The following AGO2 variants were observed in gnomAD, a reference collection of about 807,000 sequenced individuals.
AGO2 encodes argonaute RISC catalytic component 2.
AGO2 carries 5 observed loss-of-function variants against 102.3 expected under a neutral mutation model. That is an observed-to-expected ratio of 0.05 (90% CI 0.03 to 0.10). AGO2 has a LOEUF of 0.10. Among genes scored for constraint, AGO2 ranks in the 10% least tolerant of loss-of-function variants. AGO2 has a pLI of 1.00. For synonymous variants in AGO2, 449 were observed against 473.1 expected (o/e 0.95, Z 0.66); for missense variants, 541 against 1,183.7 (o/e 0.46, Z 7.97).
rs917101852 is a variant in AGO2 at position 140,540,937 on chromosome 8, G to A, written c.2034+227C>T. ...TCTCTTGGTCCCCAGGCCCATACCC[G>A]CCCCTCCTCCCCTCCCTCTGTCCTG... is the stretch of plus-strand genomic sequence containing the variant. On this transcript the variant is annotated intron_variant, in intron 15 of 18. Transcript: ENST00000220592. This position sits in a 1 kb window ranked among gnomAD's most constrained non-coding sequence, Gnocchi z 5.0. Among the ~76,000 whole-genome samples, 34 of 143,716 alleles carry A rather than the reference G, an allele frequency of 2.4e-4. 1 individual carries two copies. The highest frequency in any genetic ancestry group is 3.8e-4 in the Non-Finnish European group (25 of 65,644). 94.3% of individuals were successfully genotyped at this position (143,716 alleles called of 152,430 possible).
At chr8:140,596,795 C>G (rs141039228) in intron 1 of AGO2, among the ~76,000 whole-genome samples, 1 of 152,110 alleles carries the variant, frequency 6.6e-6, no homozygotes, top group Non-Finnish European at 1.5e-5. Flanking sequence ...GTCGGTGGAG[C>G]AGCAGGGGAG....
rs143690064 is a variant in AGO2, at chr8:140,534,557, C to A, written c.2271+911G>T. Among the ~76,000 whole-genome samples the A allele has an allele frequency of 2.6e-3, 390 of 152,382 alleles. 2 individuals are homozygous for A. Among genetic ancestry groups the A allele is most frequent in the African/African-American group, 8.5e-3 (355 of 41,590 alleles). ...AAACCCACTCTCAGCTCCCGGGCTGCAGGCTGGACCCGGCCCACAGGCCAC... is the reference window on the plus strand; with the variant it reads ...AAACCCACTCTCAGCTCCCGGGCTGAAGGCTGGACCCGGCCCACAGGCCAC... On this transcript the variant is annotated intron_variant, in intron 17 of 18. Coordinates refer to ENST00000220592, the MANE Select transcript of AGO2 (RefSeq NM_012154.5).
chr8:140,626,282 T>C (rs2074275647), intron 1 of AGO2, among the ~76,000 whole-genome samples: 1 of 152,228 alleles, frequency 6.6e-6, no homozygotes, highest in Admixed American at 6.5e-5. Context: ...TCAAGGCCGC[T>C]GTGGACACCA....
chr8:140,598,431 G>A (rs898332351), intron 1 of AGO2, among the ~76,000 whole-genome samples: 1 of 152,228 alleles, frequency 6.6e-6, no homozygotes, highest in South Asian at 2.1e-4. Flanking sequence ...TCTTTCCTAC[G>A]GTTTTACCAG....
intron 1 of AGO2, among the ~76,000 whole-genome samples, chr8:140,600,015 C>T (rs1191948369): frequency 6.6e-6 from 1 of 151,244 alleles, no homozygotes; most frequent in Non-Finnish European, 1.5e-5. Flanking sequence ...AGCCACTGTG[C>T]CCTGCCCTCT....
At chr8:140,592,597 T>A (rs997799557) in intron 1 of AGO2, 6 of 152,268 alleles carry the variant, frequency 3.9e-5, no homozygotes, top group African/African-American at 1.4e-4. Flanking sequence ...CCATAAGGTA[T>A]CCATAGGAAG....
intron 1 of AGO2, among the ~76,000 whole-genome samples, chr8:140,629,962 GTTCCTGA>G (rs2074322573): frequency 6.6e-6 from 1 of 151,852 alleles, no homozygotes; most frequent in African/African-American, 2.4e-5. Flanking sequence ...GGGGCTTCCA[GTTCCTGA>G]TCCAACCCAC....
intron 1 of AGO2, among the ~76,000 whole-genome samples, chr8:140,606,259 T>C (rs1466313038): frequency 6.6e-6 from 1 of 152,176 alleles, no homozygotes; most frequent in Non-Finnish European, 1.5e-5. Context: ...CCTCCACCCA[T>C]TTCCAGCGCA....
chr8:140,532,202 G>A (rs548377609), intron 18 of AGO2, 50 bp from the exon 19 acceptor site: 22 of 1,529,380 alleles, frequency 1.4e-5, no homozygotes, highest in African/African-American at 6.8e-5. Context: ...CTTAATGCAC[G>A]ATGAGGCAGT....
intron 11 of AGO2, among the ~76,000 whole-genome samples, chr8:140,550,428 G>A (rs939790875): frequency 6.6e-6 from 1 of 152,242 alleles, no homozygotes; most frequent in Non-Finnish European, 1.5e-5. Flanking sequence ...TGGCACGGCT[G>A]TGCTGGCCGA....
intron 8 of AGO2, 75 bp from the exon 9 acceptor site, chr8:140,556,361 G>C (rs1478877458): frequency 5.1e-6 from 8 of 1,578,560 alleles, no homozygotes; most frequent in Non-Finnish European, 6.9e-6. Context: ...GGGCTCAGGG[G>C]CTGGTGGCCT....
At chr8:140,574,096 G>C (rs1588470471) in intron 2 of AGO2, among the ~76,000 whole-genome samples, 1 of 151,928 alleles carries the variant, frequency 6.6e-6, no homozygotes, top group South Asian at 2.1e-4. Context: ...TGCTCTGCAG[G>C]GCTCCATGAG....
At chr8:140,558,988 C>A (rs968044609) in intron 6 of AGO2, among the ~76,000 whole-genome samples, 1 of 152,190 alleles carries the variant, frequency 6.6e-6, no homozygotes, top group East Asian at 1.9e-4. Context: ...CTAGACCCCC[C>A]CCAATCTGAG....
Position 140,631,102 on chromosome 8 carries a change from C to T in AGO2, c.22+4383G>A, listed in dbSNP as rs569448049. ...CCACTTAAATGTGTCAGAATTAAAA[C>T]CATGAGCAACTGGGTCTCCAAACAG... is the stretch of plus-strand genomic sequence containing the variant. On this transcript the variant is annotated intron_variant, in intron 1 of 18. Transcript: ENST00000220592. Among the ~76,000 whole-genome samples, 3 of 152,254 alleles carry T rather than the reference C, an allele frequency of 2.0e-5. No individual in the cohort carries two copies. The East Asian group carries it at 5.8e-4, about 29-fold the overall frequency.
intron 2 of AGO2, among the ~76,000 whole-genome samples, chr8:140,584,525 A>C (rs887309872): frequency 2.0e-5 from 3 of 152,230 alleles, no homozygotes; most frequent in Non-Finnish European, 4.4e-5. Flanking sequence ...CACAAAAAGA[A>C]CTTCAACAAG....
intron 1 of AGO2, among the ~76,000 whole-genome samples, chr8:140,587,774 A>G (rs2073681128): frequency 6.6e-6 from 1 of 152,208 alleles, no homozygotes; most frequent in Non-Finnish European, 1.5e-5. Flanking sequence ...ATGGTTCCAA[A>G]AGGGAATTCT....
chr8:140,555,763 C>T, intron 10 of AGO2, 133 bp downstream of exon 10: 1 of 1,308,920 alleles, frequency 7.6e-7, no homozygotes, highest in East Asian at 2.6e-5. Context: ...CTTTTACAGG[C>T]TCAGCCGGGA....
chr8:140,596,526 T>C (rs1355736705), intron 1 of AGO2, among the ~76,000 whole-genome samples: 1 of 152,202 alleles, frequency 6.6e-6, no homozygotes, highest in Non-Finnish European at 1.5e-5. Flanking sequence ...GAGGTTGCAG[T>C]GAGCTGAGAT....
intron 3 of AGO2, among the ~76,000 whole-genome samples, chr8:140,571,132 A>AC (rs1216000580): frequency 6.6e-6 from 1 of 152,134 alleles, no homozygotes; most frequent in East Asian, 1.9e-4. Context: ...TCTTGGGAAA[A>AC]CCAACGTCTA....
Sources: gnomAD v4.1 joint callset for allele counts (sites outside exome capture counted in the v4.1 genomes callset) on GRCh38, gnomAD v4.1.1 for gene constraint, Gnocchi (gnomAD v3.1) non-coding constraint, MANE v1.5 for transcripts, NCBI Gene and HGNC (gene_info 2026-07-23, HGNC 2026-07-21) for gene names.